The following MAPKBP1 variants were observed in gnomAD, a reference collection of about 807,000 sequenced individuals.
The protein encoded by MAPKBP1 is mitogen-activated protein kinase binding protein 1.
In MAPKBP1, 71 loss-of-function variants were observed where a neutral mutation model predicts 170.5. The observed-to-expected ratio is 0.42, with a 90% CI of 0.34 to 0.51. The LOEUF is 0.51. MAPKBP1 is among the 20% of genes least tolerant of loss of function. The pLI is 0.06. For missense variants in MAPKBP1, 1,598 were observed against 1,933.0 expected (o/e 0.83, Z 3.25); for synonymous variants, 719 against 757.9 (o/e 0.95, Z 0.84).
At position 41,825,342 on chromosome 15, in the gene MAPKBP1, G is replaced by C. The variant is rs1388302688; in HGVS notation, c.4433G>C (p.Gly1478Ala). ...AVLSSPGSSP[G>A]AVGAEQTQAL... ...CTGTCCAGCCCAGGCAGCAGCCCTG[G>C]GGCTGTGGGAGCCGAGCAGACACAG... The change falls in exon 31 of 31, where the codon GGG (glycine) becomes GCG (alanine). Residue 1478 changes from glycine to alanine, a missense_variant. Physicochemically the swap from Gly to Ala is moderately conservative, Grantham distance 60 (BLOSUM62 0). Transcript: ENST00000457542. The C allele has an allele frequency of 6.2e-7, 1 of 1,613,362 alleles. No homozygotes were observed. The highest frequency in any genetic ancestry group is 8.5e-7 in the Non-Finnish European group (1 of 1,180,018).
At chr15:41,794,514 C>G (rs1439689229) in intron 2 of MAPKBP1, among the ~76,000 whole-genome samples, 1 of 152,124 alleles carries the variant, frequency 6.6e-6, no homozygotes, top group Non-Finnish European at 1.5e-5. Flanking sequence ...AAAATGTTAC[C>G]TGTACCATTA....
chr15:41,809,424 T>C (rs2064765123), intron 3 of MAPKBP1, among the ~76,000 whole-genome samples: 1 of 152,140 alleles, frequency 6.6e-6, no homozygotes, highest in Non-Finnish European at 1.5e-5. Flanking sequence ...AAGTGGTTTA[T>C]TGAGCCCAAG....
Position 41,816,664 on chromosome 15 carries a change from C to G in MAPKBP1, c.1585+14C>G, listed in dbSNP as rs748189281. On this transcript the variant is annotated intron_variant, in intron 13 of 30. Coordinates refer to ENST00000457542, the MANE Select transcript of MAPKBP1 (RefSeq NM_014994.3). ...AGCCAGACACAGGTTAGGAGAATGC[C>G]CGGAATGGCACAGGGCTCCTCCAGT... is the stretch of plus-strand genomic sequence containing the variant. 5.0e-6 allele frequency: 8 copies of G among 1,610,994 alleles called. No homozygotes were observed. Among genetic ancestry groups the G allele is most frequent in the Non-Finnish European group, 5.9e-6 (7 of 1,177,832 alleles).
In MAPKBP1 at chr15:41,813,632, C is replaced by A; in HGVS notation, c.831C>A (p.Ala277=). Residue 277 remains alanine (A), a synonymous_variant, in exon 9 of 31, where the codon GCC becomes GCA. Coordinates refer to ENST00000457542, the MANE Select transcript of MAPKBP1 (RefSeq NM_014994.3). ...CACTCTGCCCACAGACCACAGTGGCCCACTGCATCTCTGTGAGCCAAGACT... is the reference window on the plus strand; with the variant it reads ...CACTCTGCCCACAGACCACAGTGGCACACTGCATCTCTGTGAGCCAAGACT... ...DKWVELRTTV[A]HCISVSQDYI... 1 of 1,613,918 alleles carries A rather than the reference C, an allele frequency of 6.2e-7. No homozygotes were observed. Among genetic ancestry groups the A allele is most frequent in the Non-Finnish European group, 8.5e-7 (1 of 1,179,924 alleles).
intron 23 of MAPKBP1, 35 bp from the exon 24 acceptor site, chr15:41,821,549 C>A: frequency 6.2e-7 from 1 of 1,608,058 alleles, no homozygotes; most frequent in Non-Finnish European, 8.5e-7. Flanking sequence ...CATCTGTCAC[C>A]TCTGCTCTGT....
Position 41,775,368 on chromosome 15 carries a change from A to T in MAPKBP1, c.93A>T (p.Arg31=). ...TGCGCAGGAGTAAGGCAGGAAACCGACGAGAGGACCTCAGCTCCAAGGTGA... is the reference window on the plus strand; with the variant it reads ...TGCGCAGGAGTAAGGCAGGAAACCGTCGAGAGGACCTCAGCTCCAAGGTGA... ...IKLRRSKAGN[R]REDLSSKVTL... is the part of the protein sequence containing the mutation. Residue 31 remains arginine, a synonymous_variant, in exon 2 of 31, where the codon CGA becomes CGT. Coordinates refer to ENST00000457542, the MANE Select transcript of MAPKBP1 (RefSeq NM_014994.3). 6.2e-7 allele frequency: 1 copy of T among 1,614,182 alleles called. No individual in the cohort carries two copies. The highest frequency in any genetic ancestry group is 8.5e-7 in the Non-Finnish European group (1 of 1,179,996).
chr15:41,817,324 TG>T lies in MAPKBP1; in HGVS notation c.1712-61del. ...GATGGGGGATCTCATGGAGGGAAGG[TG>T]GGAGGCAGGCTGCTCCCATGTGGTG... is the stretch of plus-strand genomic sequence containing the variant. On this transcript the variant is annotated intron_variant, in intron 14 of 30. Coordinates refer to ENST00000457542, the MANE Select transcript of MAPKBP1 (RefSeq NM_014994.3). This position sits in a 1 kb window ranked among gnomAD's most constrained non-coding sequence, Gnocchi z 4.2. The T allele has an allele frequency of 6.5e-7, 1 of 1,529,030 alleles. No individual in the cohort carries two copies. Among genetic ancestry groups the T allele is most frequent in the Non-Finnish European group, 9.1e-7 (1 of 1,102,738 alleles). 94.7% of individuals were successfully genotyped at this position (1,529,030 alleles called of 1,614,324 possible). A position where few individuals can be genotyped will look rare whatever the true frequency, so the allele number is the denominator to read the frequency against.
chr15:41,817,487 G>A lies in MAPKBP1; in HGVS notation c.1782+29G>A. 1 of 1,612,810 alleles carries A rather than the reference G, an allele frequency of 6.2e-7. No individual in the cohort carries two copies. The highest frequency in any genetic ancestry group is 1.3e-5 in the African/African-American group (1 of 75,020). On this transcript the variant is annotated intron_variant, in intron 15 of 30. Coordinates refer to ENST00000457542, the MANE Select transcript of MAPKBP1 (RefSeq NM_014994.3). This position sits in a 1 kb window ranked among gnomAD's most constrained non-coding sequence, Gnocchi z 4.2. The stretch of plus-strand genomic sequence containing the variant: ...AGGGCGCTGGGCTTTCCTGAGAGGG[G>A]CGGGACAGGGCGGGGTCTGCCATTC...
chr15:41,825,410 G>A lies in MAPKBP1; in HGVS notation c.4501G>A (p.Glu1501Lys), dbSNP rs762652300. ...QYSELLLRAV[E>K]RRMERKL ...CTCAGAACTGTTGCTTCGAGCCGTGGAACGGCGTATGGAACGCAAACTCTG... is the reference window on the plus strand; with the variant it reads ...CTCAGAACTGTTGCTTCGAGCCGTGAAACGGCGTATGGAACGCAAACTCTG... Residue 1501 changes from glutamate (E) to lysine (K), a missense_variant, in exon 31 of 31, where the codon GAA becomes AAA. This residue lies in a region of MAPKBP1 where 942 missense variants were observed against 953.2 expected (regional missense o/e 0.99). Transcript: ENST00000457542. The A allele has an allele frequency of 1.9e-6, 3 of 1,612,184 alleles. No individual in the cohort carries two copies. Among genetic ancestry groups the A allele is most frequent in the Non-Finnish European group, 2.5e-6 (3 of 1,178,958 alleles).
chr15:41,790,226 C>G (rs959796776), intron 2 of MAPKBP1, among the ~76,000 whole-genome samples: 1 of 152,150 alleles, frequency 6.6e-6, no homozygotes, highest in African/African-American at 2.4e-5. Flanking sequence ...GGGACTAACC[C>G]AAGAGAGGCT....
At position 41,822,355 on chromosome 15, in the gene MAPKBP1, C is replaced by G; in HGVS notation, c.3162C>G (p.Pro1054=). ...MGPYGLQEGS[P]QTPDQEQFLK... is the part of the protein sequence containing the mutation. ...CCTATGGGCTACAGGAGGGCAGCCCCCAGACTCCAGACCAGGAGCAGTTTC... is the reference window on the plus strand; with the variant it reads ...CCTATGGGCTACAGGAGGGCAGCCCGCAGACTCCAGACCAGGAGCAGTTTC... The change falls in exon 26 of 31, where the codon CCC becomes CCG. Residue 1054 remains proline, a synonymous_variant. Coordinates refer to ENST00000457542, the MANE Select transcript of MAPKBP1 (RefSeq NM_014994.3). 2 of 1,614,084 alleles carry G rather than the reference C, an allele frequency of 1.2e-6. No individual in the cohort carries two copies. The highest frequency in any genetic ancestry group is 1.7e-6 in the Non-Finnish European group (2 of 1,180,016).
chr15:41,813,241 C>T (rs2152079122), intron 8 of MAPKBP1, 140 bp downstream of exon 8: 1 of 1,503,474 alleles, frequency 6.7e-7, no homozygotes, highest in Non-Finnish European at 9.2e-7. Flanking sequence ...GGAGCTAGAG[C>T]TTGGCCCATT....
At chr15:41,819,089 A>G (rs2064941928) in intron 20 of MAPKBP1, 132 bp downstream of exon 20, 1 of 1,471,636 alleles carries the variant, frequency 6.8e-7, no homozygotes, top group African/African-American at 1.4e-5. Flanking sequence ...TCACACAAGG[A>G]TCCATGATGT....
rs1269852677 is a variant in MAPKBP1 at position 41,817,557 on chromosome 15, C to CT, written c.1783-55dup. 3.3e-5 allele frequency: 54 copies of CT among 1,613,614 alleles called. No individual in the cohort carries two copies. The highest frequency in any genetic ancestry group is 4.4e-5 in the Non-Finnish European group (52 of 1,179,616). ...GGTGAAGGGAGGCGCAAGTAGGGCT[C>CT]TTGGGGCCTGGTGAGGCATTTGGGT... On this transcript the variant is annotated intron_variant, in intron 15 of 30. Transcript: ENST00000457542. This position sits in a 1 kb window ranked among gnomAD's most constrained non-coding sequence, Gnocchi z 4.2.
chr15:41,816,140 TC>T (rs1253045910), intron 12 of MAPKBP1: 23 of 342,438 alleles, frequency 6.7e-5, no homozygotes, highest in Non-Finnish European at 1.1e-5. Context: ...GAGTAACTGA[TC>T]AATACTCTTC....
intron 20 of MAPKBP1, 82 bp downstream of exon 20, chr15:41,819,039 G>T: frequency 2.5e-6 from 4 of 1,579,876 alleles, no homozygotes; most frequent in Non-Finnish European, 3.4e-6. Context: ...CATGCTTTGG[G>T]CCTGCCATTC....
At chr15:41,791,502 G>T (rs1567137764) in intron 2 of MAPKBP1, among the ~76,000 whole-genome samples, 1 of 152,216 alleles carries the variant, frequency 6.6e-6, no homozygotes, top group Non-Finnish European at 1.5e-5. Flanking sequence ...GCTCCACCTG[G>T]ACTCGCTTCC....
rs144262868 is a variant in MAPKBP1, at chr15:41,819,555, G to A, written c.2426-40G>A. ...GCTCCAGGGTTGGGTGGCGGGGGGG[G>A]GGCAGGAGACACTTCCTCTGACTGC... On this transcript the variant is annotated intron_variant, in intron 21 of 30. Transcript: ENST00000457542. 2.3e-5 allele frequency: 34 copies of A among 1,481,972 alleles called. 2 individuals are homozygous for A. The highest frequency in any genetic ancestry group is 2.9e-5 in the Non-Finnish European group (31 of 1,077,276). The allele number at this position is 1,481,972 out of a possible 1,614,324, so 91.8% of individuals were successfully genotyped here. A position where few individuals can be genotyped will look rare whatever the true frequency, so the allele number is the denominator to read the frequency against.
intron 3 of MAPKBP1, among the ~76,000 whole-genome samples, chr15:41,804,759 G>A (rs1031732480): frequency 2.0e-4 from 30 of 152,250 alleles, no homozygotes; most frequent in African/African-American, 6.5e-4. Context: ...TTTCCTAAGC[G>A]TGTATGCTTG....
Sources: gnomAD v4.1 joint callset for allele counts (sites outside exome capture counted in the v4.1 genomes callset) on GRCh38, gnomAD v4.1.1 for gene constraint, gnomAD v4.1.1 regional missense constraint, Gnocchi (gnomAD v3.1) non-coding constraint, MANE v1.5 for transcripts, NCBI Gene and HGNC (gene_info 2026-07-23, HGNC 2026-07-21) for gene names.